The following RARB variants were observed in gnomAD, a reference collection of about 807,000 sequenced individuals.
RARB encodes retinoic acid receptor beta.
A neutral mutation model predicts 51.9 loss-of-function variants in RARB; 17 were observed. The observed-to-expected ratio is 0.33, with a 90% CI of 0.22 to 0.49. RARB has a LOEUF of 0.49. Ranked by LOEUF, RARB falls within the 20% of genes least tolerant of loss-of-function variation. The pLI is 0.99. For synonymous variants in RARB, 215 were observed against 195.4 expected (o/e 1.10, Z -0.84); for missense variants, 369 against 550.8 (o/e 0.67, Z 3.30).
At chr3:25,048,379 C>G (rs142200002) in intron 2 of RARB, among the ~76,000 whole-genome samples, 2 of 152,258 alleles carry the variant, frequency 1.3e-5, no homozygotes, top group East Asian at 3.9e-4. Flanking sequence ...TGACCCCCAT[C>G]CAATATATGA....
intron 5 of RARB, among the ~76,000 whole-genome samples, chr3:25,331,068 C>A (rs932265267): frequency 1.3e-5 from 2 of 152,030 alleles, no homozygotes; most frequent in Non-Finnish European, 1.5e-5. Context: ...CCCCACACAA[C>A]AATAATGGGA....
chr3:24,984,138 A>G (rs1032186796), intron 2 of RARB, among the ~76,000 whole-genome samples: 2 of 152,230 alleles, frequency 1.3e-5, no homozygotes, highest in Non-Finnish European at 2.9e-5. Context: ...TTCTTTCCTG[A>G]AAATGTAAGC....
intron 2 of RARB, among the ~76,000 whole-genome samples, chr3:25,466,677 C>T (rs532474450): frequency 2.6e-5 from 4 of 152,318 alleles, no homozygotes; most frequent in Non-Finnish European, 1.5e-5. Context: ...CATGGAGCCT[C>T]CCTGGATTAC....
At chr3:25,513,115 TAAAAAAAAA>T (rs11420573) in intron 3 of RARB, among the ~76,000 whole-genome samples, 1 of 98,506 alleles carries the variant, frequency 1.0e-5, no homozygotes, top group South Asian at 3.4e-4. Context: ...CTGTCTTTAC[TAAAAAAAAA>T]AAAAAAAAAA....
At chr3:25,086,643 C>T (rs148860847) in intron 3 of RARB, among the ~76,000 whole-genome samples, 1 of 152,134 alleles carries the variant, frequency 6.6e-6, no homozygotes, top group Non-Finnish European at 1.5e-5. Flanking sequence ...TCAACCAATA[C>T]ATGTAAGATG....
At chr3:25,331,344 T>A (rs1704889252) in intron 5 of RARB, among the ~76,000 whole-genome samples, 1 of 152,144 alleles carries the variant, frequency 6.6e-6, no homozygotes, top group Admixed American at 6.5e-5. Flanking sequence ...CACAGTGCAA[T>A]CAAACTAGAA....
intron 2 of RARB, among the ~76,000 whole-genome samples, chr3:25,019,803 A>G (rs1697588882): frequency 6.6e-6 from 1 of 152,140 alleles, no homozygotes; most frequent in South Asian, 2.1e-4. Flanking sequence ...TGGAAAGCAG[A>G]CCAACGCTGG....
chr3:25,165,357 C>G (rs776745200), intron 4 of RARB, among the ~76,000 whole-genome samples: 3 of 152,112 alleles, frequency 2.0e-5, no homozygotes, highest in Non-Finnish European at 4.4e-5. Flanking sequence ...TGCCAGTCTT[C>G]TCTCTCTGTC....
chr3:24,831,995 A>G (rs754061818), intron 1 of RARB, among the ~76,000 whole-genome samples: 1 of 152,214 alleles, frequency 6.6e-6, no homozygotes, highest in Non-Finnish European at 1.5e-5. Context: ...AAACAAAATT[A>G]TTTCAGCAGA....
intron 2 of RARB, among the ~76,000 whole-genome samples, chr3:24,925,766 A>T (rs908281981): frequency 1.1e-4 from 17 of 151,844 alleles, no homozygotes; most frequent in Middle Eastern, 3.4e-3. Context: ...TTTCAGGTTC[A>T]CAACTTTCAA....
intron 4 of RARB, among the ~76,000 whole-genome samples, chr3:25,144,071 C>A (rs1260616714): frequency 2.0e-5 from 3 of 152,148 alleles, no homozygotes; most frequent in Non-Finnish European, 4.4e-5. Flanking sequence ...CCTCTTTAAC[C>A]AGGTAGACTC....
chr3:25,214,145 A>C (rs1287503518), intron 5 of RARB, among the ~76,000 whole-genome samples: 1 of 152,210 alleles, frequency 6.6e-6, no homozygotes, highest in Non-Finnish European at 1.5e-5. Flanking sequence ...CCAGAAAAGC[A>C]GCATTTTGAA....
At chr3:25,548,743 G>T (rs893278633) in intron 3 of RARB, among the ~76,000 whole-genome samples, 13 of 151,630 alleles carry the variant, frequency 8.6e-5, no homozygotes, top group African/African-American at 2.9e-4. Context: ...AGGTTGCTAA[G>T]TTATTTATTG....
intron 5 of RARB, among the ~76,000 whole-genome samples, chr3:25,399,570 G>T (rs1707209787): frequency 6.6e-6 from 1 of 152,142 alleles, no homozygotes; most frequent in South Asian, 2.1e-4. Flanking sequence ...AAGGGAACTG[G>T]TACATATTTA....
intron 2 of RARB, among the ~76,000 whole-genome samples, chr3:24,974,720 G>T (rs374565691): frequency 6.6e-6 from 1 of 152,028 alleles, no homozygotes; most frequent in Non-Finnish European, 1.5e-5. Context: ...AAATACATAA[G>T]AAATTATAAA....
At chr3:25,034,761 A>T (rs1030104889) in intron 2 of RARB, among the ~76,000 whole-genome samples, 1 of 152,236 alleles carries the variant, frequency 6.6e-6, no homozygotes. Context: ...AATGATTTGA[A>T]ACATTTTTAA....
At chr3:25,154,569 A>G (rs1331512997) in intron 4 of RARB, among the ~76,000 whole-genome samples, 1 of 152,206 alleles carries the variant, frequency 6.6e-6, no homozygotes, top group Non-Finnish European at 1.5e-5. Flanking sequence ...TGGCCTTTGC[A>G]TATCTCACAA....
chr3:25,081,622 T>TATATATATA (rs57232858), intron 3 of RARB, among the ~76,000 whole-genome samples: 1 of 8,198 alleles, frequency 1.2e-4, no homozygotes, highest in Non-Finnish European at 2.1e-4. Flanking sequence ...TATATATATA[T>TATATATATA]TTTTTTTTTT....
chr3:25,020,915 G>A (rs1697623106), intron 2 of RARB, among the ~76,000 whole-genome samples: 1 of 152,196 alleles, frequency 6.6e-6, no homozygotes, highest in Non-Finnish European at 1.5e-5. Context: ...GTTGCAGTGA[G>A]CCGAGATCGT....
Sources: allele counts gnomAD v4.1 joint callset (sites outside exome capture counted in the v4.1 genomes callset), GRCh38; gene constraint gnomAD v4.1.1; transcripts MANE v1.5; gene names NCBI Gene and HGNC (gene_info 2026-07-23, HGNC 2026-07-21).